GINS1: variants seen among roughly 807,000 people sequenced by gnomAD.
The protein encoded by GINS1 is GINS complex subunit 1, also known as DNA replication complex GINS protein PSF1.
In GINS1, 26 loss-of-function variants were observed where a neutral mutation model predicts 34.9. The ratio of observed to expected loss-of-function variants is 0.74; its 90% CI spans 0.55 to 1.03. The LOEUF (loss-of-function observed/expected upper bound fraction) is 1.03. Among genes scored for constraint, GINS1 ranks in the 50% least tolerant of loss-of-function variants. GINS1 has a pLI of 0.00. For missense variants in GINS1, 235 were observed against 237.9 expected, an observed-to-expected ratio of 0.99 and a Z score of 0.08; for synonymous variants, 97 against 84.4, an observed-to-expected ratio of 1.15 and a Z score of -0.82.
chr20:25,437,003 C>G (rs1012392539), intron 5 of GINS1, among the ~76,000 whole-genome samples: 1 of 152,120 alleles, frequency 6.6e-6, no homozygotes, highest in Non-Finnish European at 1.5e-5. Flanking sequence ...TGTAAGCTGT[C>G]GCTGTGCTTA....
intron 5 of GINS1, among the ~76,000 whole-genome samples, chr20:25,427,905 C>G (rs1433481044): frequency 1.0e-5 from 1 of 96,410 alleles, no homozygotes; most frequent in Non-Finnish European, 2.0e-5. Flanking sequence ...GAATTTTGCT[C>G]TTGTTGCCCA....
intron 5 of GINS1, among the ~76,000 whole-genome samples, chr20:25,436,956 T>C (rs555020976): frequency 6.6e-6 from 1 of 152,346 alleles, no homozygotes; most frequent in Admixed American, 6.5e-5. Context: ...CCCCCAGGGT[T>C]TGCTGGTTTT....
At chr20:25,416,238 A>G (rs868232598) in intron 2 of GINS1, among the ~76,000 whole-genome samples, 22 of 152,332 alleles carry the variant, frequency 1.4e-4, no homozygotes, top group Middle Eastern at 3.4e-3. Context: ...AGGAGACCCT[A>G]TAGGCCTTGG....
At position 25,440,057 on chromosome 20, in the gene GINS1, G is replaced by A. The variant is rs548777256; in HGVS notation, c.448-1645G>A. On this transcript the variant is annotated intron_variant, in intron 5 of 6. Transcript: ENST00000262460. Reference sequence around the variant, plus strand: ...TAATTTTTATTTATTTATTTGAGACGGAGTCTCATTCTGTCACCCAGTCTG... The same window carrying A: ...TAATTTTTATTTATTTATTTGAGACAGAGTCTCATTCTGTCACCCAGTCTG... Among the ~76,000 whole-genome samples, 21 of 151,948 alleles carry A rather than the reference G, an allele frequency of 1.4e-4. No individual in the cohort carries two copies. The East Asian group carries it at 2.3e-3, about 17-fold the overall frequency.
intron 3 of GINS1, 77 bp from the exon 4 acceptor site, chr20:25,418,028 G>C (rs774841663): frequency 2.5e-6 from 2 of 813,068 alleles, no homozygotes; most frequent in Non-Finnish European, 4.4e-6. Context: ...TGGTGTGTTT[G>C]CATCAGGGGC....
rs2090524523 is a variant in GINS1 at position 25,448,394 on chromosome 20, T to C, written c.*2403T>C. 6.6e-6 allele frequency: 1 copy of C among 152,216 alleles called. No homozygotes were observed. The highest frequency in any genetic ancestry group is 2.4e-5 in the African/African-American group (1 of 41,454). 9.4% of individuals were successfully genotyped at this position (152,216 alleles called of 1,614,324 possible). A position where few individuals can be genotyped will look rare whatever the true frequency, so the allele number is the denominator to read the frequency against. On this transcript the variant is annotated 3_prime_UTR_variant, in exon 7 of 7. Coordinates refer to ENST00000262460, the MANE Select transcript of GINS1 (RefSeq NM_021067.5). ...ATTTCATAGTTTTGATGCTAAATGGTATTTTAAAATTTCAAATTCTAACCA... is the reference window on the plus strand; with the variant it reads ...ATTTCATAGTTTTGATGCTAAATGGCATTTTAAAATTTCAAATTCTAACCA...
intron 4 of GINS1, among the ~76,000 whole-genome samples, chr20:25,421,381 C>A (rs892734734): frequency 2.0e-5 from 3 of 152,044 alleles, no homozygotes; most frequent in African/African-American, 7.2e-5. Flanking sequence ...AACAGATGAT[C>A]ATGTGTTAAT....
chr20:25,417,027 CAGTTGTT>C (rs2090324715), intron 2 of GINS1, 70 bp from the exon 3 acceptor site: 1 of 664,964 alleles, frequency 1.5e-6, no homozygotes, highest in Admixed American at 2.6e-5. Context: ...GCATGTAACT[CAGTTGTT>C]AGTTGGCTTT....
intron 6 of GINS1, among the ~76,000 whole-genome samples, chr20:25,445,079 G>C (rs2064187260): frequency 6.6e-6 from 1 of 152,154 alleles, no homozygotes; most frequent in African/African-American, 2.4e-5. Context: ...ATACCTACTA[G>C]AATTCAGAAG....
At chr20:25,442,237 G>T (rs2090485559) in intron 6 of GINS1, among the ~76,000 whole-genome samples, 1 of 152,066 alleles carries the variant, frequency 6.6e-6, no homozygotes, top group Admixed American at 6.6e-5. Context: ...CAAGTATTTG[G>T]TATATAAACA....
chr20:25,409,689 T>G (rs1053061286), intron 1 of GINS1, among the ~76,000 whole-genome samples: 6 of 152,256 alleles, frequency 3.9e-5, no homozygotes, highest in Non-Finnish European at 5.9e-5. Context: ...CGTCTGAATT[T>G]ACAGCATATT....
rs370825770 is a variant in GINS1, at chr20:25,439,433, G to C, written c.448-2269G>C. ...CACGTCTGTAATCCCAACACTTTGG[G>C]AGGCCAAAGCAGGAGTATTGCTTGA... is the stretch of plus-strand genomic sequence containing the variant. On this transcript the variant is annotated intron_variant, in intron 5 of 6. Coordinates refer to ENST00000262460, the MANE Select transcript of GINS1 (RefSeq NM_021067.5). 1.2e-3 allele frequency among the ~76,000 whole-genome samples: 183 copies of C among 152,270 alleles called. 1 individual carries two copies. Among genetic ancestry groups the C allele is most frequent in the African/African-American group, 4.2e-3 (175 of 41,552 alleles).
At chr20:25,443,561 C>T (rs1170467556) in intron 6 of GINS1, among the ~76,000 whole-genome samples, 5 of 151,500 alleles carry the variant, frequency 3.3e-5, no homozygotes, top group Admixed American at 3.3e-4. Flanking sequence ...TCACTGCAAC[C>T]TCTGCCTCCC....
Position 25,441,747 on chromosome 20 carries a change from A to G in GINS1, c.493A>G (p.Thr165Ala), listed in dbSNP as rs2090483110. ...TGGAGAATTTGAAGTTGATGATGGC[A>G]CTTCAGTCCTATTAAAAAAAAATAG... ...DYGEFEVDDG[T>A]SVLLKKNSQH... The change falls in exon 6 of 7, where the codon ACT becomes GCT. Residue 165 changes from threonine (T) to alanine (A), a missense_variant. By Grantham distance (58) the Thr-to-Ala change is moderately conservative. Transcript: ENST00000262460. 2 of 1,563,958 alleles carry G rather than the reference A, an allele frequency of 1.3e-6. No individual in the cohort carries two copies. The highest frequency in any genetic ancestry group is 8.8e-7 in the Non-Finnish European group (1 of 1,142,808).
In GINS1 at chr20:25,447,990, G is replaced by A. The variant is rs1021330670; in HGVS notation, c.*1999G>A. 1.3e-5 allele frequency: 2 copies of A among 152,418 alleles called. No individual in the cohort carries two copies. Among genetic ancestry groups the A allele is most frequent in the African/African-American group, 4.8e-5 (2 of 41,434 alleles). The allele number at this position is 152,418 out of a possible 1,614,324, so 9.4% of individuals were successfully genotyped here. On this transcript the variant is annotated 3_prime_UTR_variant, in exon 7 of 7. Transcript: ENST00000262460. ...ACAAAAAATAGAAAAAATTAGCCAG[G>A]TGTGGTGGTGCATGCCTGTAGTCAC... is the stretch of plus-strand genomic sequence containing the variant.
chr20:25,407,796 G>C lies in GINS1; in HGVS notation c.-25G>C, dbSNP rs746839501. On this transcript the variant is annotated 5_prime_UTR_variant, in exon 1 of 7. Transcript: ENST00000262460. ...GGCGTGAGAGCTGGTGGTTGGCAAG[G>C]CCGCGGGAGTGGGAAGCGTCCGCCA... The C allele has an allele frequency of 1.2e-6, 2 of 1,601,690 alleles. No individual in the cohort carries two copies. The highest frequency in any genetic ancestry group is 4.5e-5 in the East Asian group (2 of 44,848).
chr20:25,437,952 C>T (rs984163655), intron 5 of GINS1, among the ~76,000 whole-genome samples: 1 of 151,924 alleles, frequency 6.6e-6, no homozygotes, highest in African/African-American at 2.4e-5. Context: ...AACCCCATCT[C>T]TACTAAAAAT....
intron 6 of GINS1, among the ~76,000 whole-genome samples, chr20:25,442,815 A>C (rs965618236): frequency 3.3e-5 from 5 of 151,786 alleles, no homozygotes; most frequent in African/African-American, 1.2e-4. Context: ...CCAGTTGGCC[A>C]GGCTGGTCTT....
Position 25,432,161 on chromosome 20 carries a change from C to T in GINS1, c.447+6834C>T, listed in dbSNP as rs139694204. Among the ~76,000 whole-genome samples, 445 of 152,256 alleles carry T rather than the reference C, an allele frequency of 2.9e-3. 1 individual carries two copies. Among genetic ancestry groups the T allele is most frequent in the African/African-American group, 7.3e-3 (303 of 41,542 alleles). On this transcript the variant is annotated intron_variant, in intron 5 of 6. Transcript: ENST00000262460. ...TGCTGGAATTGCAGGCGTGAGCCAC[C>T]GCGCCTGGCCATGAAATCTGTCTTA...
Sources: gnomAD v4.1 joint callset for allele counts (sites outside exome capture counted in the v4.1 genomes callset) on GRCh38, gnomAD v4.1.1 for gene constraint, MANE v1.5 for transcripts, NCBI Gene and HGNC (gene_info 2026-07-23, HGNC 2026-07-21) for gene names.